LRP2BP: variants seen among roughly 807,000 people sequenced by gnomAD.
LRP2BP encodes LRP2-binding protein.
LRP2BP carries 38 observed loss-of-function variants against 45.2 expected under a neutral mutation model. The observed-to-expected ratio is 0.84, with a 90% CI of 0.65 to 1.10. The LOEUF is 1.10. Among genes scored for constraint, LRP2BP ranks in the 50% least tolerant of loss-of-function variants. The pLI is 0.00. For missense variants in LRP2BP, 385 were observed against 418.9 expected (o/e 0.92, Z 0.71); for synonymous variants, 153 against 153.9 (o/e 0.99, Z 0.04).
rs138520151 is a variant in LRP2BP, at chr4:185,368,352, G to A, written c.979-1107C>T. Reference sequence around the variant, plus strand: ...AGCCGAGAGCAGGCCTGGGTCTGTCGCCTCCAGGTCCCAGTTACCATCTTA... The same window carrying A: ...AGCCGAGAGCAGGCCTGGGTCTGTCACCTCCAGGTCCCAGTTACCATCTTA... On this transcript the variant is annotated intron_variant, in intron 8 of 8. Coordinates refer to ENST00000505916, the MANE Select transcript of LRP2BP (RefSeq NM_001377440.1). Among the ~76,000 whole-genome samples the A allele has an allele frequency of 2.7e-3, 418 of 152,162 alleles. 1 individual carries two copies. The highest frequency in any genetic ancestry group is 3.9e-3 in the Admixed American group (59 of 15,288).
intron 1 of LRP2BP, chr4:185,378,965 T>G: frequency 1.0e-6 from 1 of 985,400 alleles, no homozygotes; most frequent in Non-Finnish European, 1.2e-6. Context: ...TTAGTGTGAT[T>G]GGAAAGCTGC....
intron 1 of LRP2BP, among the ~76,000 whole-genome samples, chr4:185,386,988 G>A (rs2095473585): frequency 6.6e-6 from 1 of 152,234 alleles, no homozygotes; most frequent in African/African-American, 2.4e-5. Context: ...GCTCATGCCT[G>A]TAATCCCAGC....
At chr4:185,393,168 T>G (rs1561097021) in intron 1 of LRP2BP, among the ~76,000 whole-genome samples, 1 of 152,060 alleles carries the variant, frequency 6.6e-6, no homozygotes, top group East Asian at 1.9e-4. Flanking sequence ...TGGCCACAAG[T>G]GATCTGCCTG....
upstream of LRP2BP, chr4:185,397,111 A>G (rs369702203): frequency 4.2e-5 from 68 of 1,611,396 alleles, no homozygotes; most frequent in Non-Finnish European, 4.3e-5. Context: ...GGGACTGGAC[A>G]AAGGTGGGAA....
rs945986229 is a variant in LRP2BP at position 185,378,503 on chromosome 4, C to T, written c.-21-296G>A. Reference sequence around the variant, plus strand: ...TTATACATCAAGATGGGTCAAGTCACCCAGCACAAGTGTTGCCACTTAGTG... The same window carrying T: ...TTATACATCAAGATGGGTCAAGTCATCCAGCACAAGTGTTGCCACTTAGTG... On this transcript the variant is annotated intron_variant, in intron 1 of 8. Transcript: ENST00000505916. The T allele has an allele frequency of 1.0e-5, 11 of 1,086,190 alleles. No individual in the cohort carries two copies. In the African/African-American group the frequency reaches 1.3e-4, roughly 13 times the overall value. 67.3% of individuals were successfully genotyped at this position (1,086,190 alleles called of 1,614,324 possible). A position where few individuals can be genotyped will look rare whatever the true frequency, so the allele number is the denominator to read the frequency against.
chr4:185,371,080 T>C lies in LRP2BP; in HGVS notation c.804-266A>G, dbSNP rs189256725. On this transcript the variant is annotated intron_variant, in intron 7 of 8. Transcript: ENST00000505916. The stretch of plus-strand genomic sequence containing the variant: ...GGAAAACAAAGGTATGTTTCTTTTT[T>C]CTTCTAATATTACTACTGGAAGTTT... 3.8e-3 allele frequency: 1,288 copies of C among 339,826 alleles called. 2 individuals are homozygous for C. Among genetic ancestry groups the C allele is most frequent in the Non-Finnish European group, 5.6e-3 (1,029 of 182,786 alleles). 21.1% of individuals were successfully genotyped at this position (339,826 alleles called of 1,614,324 possible).
At chr4:185,385,820 A>G (rs993696796) in intron 1 of LRP2BP, among the ~76,000 whole-genome samples, 13 of 150,612 alleles carry the variant, frequency 8.6e-5, no homozygotes, top group African/African-American at 4.9e-5. Flanking sequence ...AGAATTGCTC[A>G]AACCCGGAAG....
intron 1 of LRP2BP, among the ~76,000 whole-genome samples, chr4:185,383,221 C>G (rs990659281): frequency 6.6e-6 from 1 of 152,102 alleles, no homozygotes; most frequent in Non-Finnish European, 1.5e-5. Flanking sequence ...CCTGTAATCC[C>G]AGAACTTTGG....
Position 185,376,991 on chromosome 4 carries a change from T to A in LRP2BP, c.134A>T (p.Lys45Met). 2 of 1,613,460 alleles carry A rather than the reference T, an allele frequency of 1.2e-6. No individual in the cohort carries two copies. Among genetic ancestry groups the A allele is most frequent in the Non-Finnish European group, 8.5e-7 (1 of 1,179,356 alleles). Residue 45 changes from lysine (K) to methionine (M), a missense_variant, in exon 3 of 9, where the codon AAG becomes ATG. Lys to Met is a moderately conservative substitution (Grantham distance 95). Coordinates refer to ENST00000505916, the MANE Select transcript of LRP2BP (RefSeq NM_001377440.1). ...TCTTTCCTTCAAGAGCTGCAATGCC[T>A]TATCCACCAAATTAGCATGGGTGTA... is the stretch of plus-strand genomic sequence containing the variant. Reference protein sequence around the residue: ...TDYTHANLVDKALQLLKERIL... With the variant: ...TDYTHANLVDMALQLLKERIL...
chr4:185,396,648 G>GC (rs1218806640), upstream of LRP2BP: 11 of 487,974 alleles, frequency 2.3e-5, no homozygotes, highest in African/African-American at 2.1e-4. Flanking sequence ...TCGCGCGCCC[G>GC]CCCCCTCCCC....
upstream of LRP2BP, chr4:185,396,765 G>C: frequency 2.6e-6 from 2 of 756,176 alleles, no homozygotes; most frequent in Middle Eastern, 3.7e-4. Context: ...GGCGTAACCG[G>C]AGCTGGGGCG....
intron 1 of LRP2BP, among the ~76,000 whole-genome samples, chr4:185,386,456 A>G (rs1275247495): frequency 6.6e-6 from 1 of 152,202 alleles, no homozygotes; most frequent in Non-Finnish European, 1.5e-5. Context: ...TTTAAATACT[A>G]ATTTTAAAAA....
At chr4:185,375,850 C>A in intron 3 of LRP2BP, 124 bp from the exon 4 acceptor site, 1 of 510,826 alleles carries the variant, frequency 2.0e-6, no homozygotes, top group Non-Finnish European at 3.5e-6. Context: ...GCAGCCATAT[C>A]TGAACCCATG....
At chr4:185,376,402 A>G (rs932732442) in intron 3 of LRP2BP, among the ~76,000 whole-genome samples, 2 of 151,334 alleles carry the variant, frequency 1.3e-5, no homozygotes, top group African/African-American at 4.9e-5. Flanking sequence ...TCAGCCTCCC[A>G]AGTAGCTGGG....
intron 6 of LRP2BP, 37 bp downstream of exon 6, chr4:185,374,098 A>G (rs2095425165): frequency 6.5e-7 from 1 of 1,528,534 alleles, no homozygotes; most frequent in African/African-American, 1.4e-5. Flanking sequence ...ATATTAATCT[A>G]AATATAACAC....
At chr4:185,379,056 G>A (rs1308566722) in intron 1 of LRP2BP, 1 of 792,670 alleles carries the variant, frequency 1.3e-6, no homozygotes, top group Non-Finnish European at 1.5e-6. Flanking sequence ...GGAACATTTA[G>A]TAGGGGAAAA....
At chr4:185,384,409 T>C (rs1008763987) in intron 1 of LRP2BP, among the ~76,000 whole-genome samples, 1 of 152,100 alleles carries the variant, frequency 6.6e-6, no homozygotes, top group African/African-American at 2.4e-5. Flanking sequence ...CCCTAGACTA[T>C]GTCATATAAA....
intron 7 of LRP2BP, among the ~76,000 whole-genome samples, chr4:185,372,329 TG>T (rs1338271881): frequency 6.6e-6 from 1 of 152,236 alleles, no homozygotes; most frequent in Non-Finnish European, 1.5e-5. Context: ...TGAAGGCTAA[TG>T]GCATAGAATT....
At chr4:185,379,655 C>T (rs751556149) in intron 1 of LRP2BP, among the ~76,000 whole-genome samples, 8 of 152,112 alleles carry the variant, frequency 5.3e-5, no homozygotes, top group Non-Finnish European at 8.8e-5. Context: ...TTCTAGGCAG[C>T]GCCGACAAAA....
Sources: allele counts gnomAD v4.1 joint callset (sites outside exome capture counted in the v4.1 genomes callset), GRCh38; gene constraint gnomAD v4.1.1; transcripts MANE v1.5; gene names NCBI Gene and HGNC (gene_info 2026-07-23, HGNC 2026-07-21).